Variants in MARCHF1 observed in about 807,000 individuals in gnomAD.
MARCHF1 encodes membrane associated ring-CH-type finger 1, also known as E3 ubiquitin-protein ligase MARCHF1.
A neutral mutation model predicts 54.2 loss-of-function variants in MARCHF1; 40 were observed. That is an observed-to-expected ratio of 0.74 (90% CI 0.57 to 0.96). The LOEUF (loss-of-function observed/expected upper bound fraction) is 0.96. MARCHF1 is among the 40% of genes least tolerant of loss of function. The pLI is 0.00. For synonymous variants in MARCHF1, 236 were observed against 236.3 expected (o/e 1.00, Z 0.01); for missense variants, 586 against 656.5 (o/e 0.89, Z 1.17).
intron 3 of MARCHF1, among the ~76,000 whole-genome samples, chr4:163,933,369 C>T (rs1212592563): frequency 6.6e-6 from 1 of 152,190 alleles, no homozygotes; most frequent in Non-Finnish European, 1.5e-5. Context: ...ACGGAATCAT[C>T]TGTTTACAGT....
At chr4:163,536,985 A>AC (rs1219665526) in intron 9 of MARCHF1, among the ~76,000 whole-genome samples, 1 of 152,094 alleles carries the variant, frequency 6.6e-6, no homozygotes, top group Admixed American at 6.6e-5. Flanking sequence ...TGTCCAAATG[A>AC]CCATCTTTAA....
chr4:164,325,049 G>A (rs1392557065), intron 1 of MARCHF1, among the ~76,000 whole-genome samples: 1 of 151,780 alleles, frequency 6.6e-6, no homozygotes, highest in Non-Finnish European at 1.5e-5. Flanking sequence ...TGCCTTATAA[G>A]ATATTACAAG....
At chr4:163,737,431 T>G (rs1746078990) in intron 4 of MARCHF1, among the ~76,000 whole-genome samples, 1 of 67,186 alleles carries the variant, frequency 1.5e-5, no homozygotes, top group African/African-American at 4.3e-5. Context: ...GTGATCTCAT[T>G]GTTCAATTCC....
In MARCHF1 at chr4:164,079,820, T is replaced by C. The variant is rs149028677; in HGVS notation, c.-248+31768A>G. ...ATTCTAAAAGACGTAGTTATTTGCA[T>C]TTTAAGTAGCATAGTTTTCTGTAAT... On this transcript the variant is annotated intron_variant, in intron 2 of 9. Coordinates refer to ENST00000514618, the MANE Select transcript of MARCHF1 (RefSeq NM_001394959.1). Among the ~76,000 whole-genome samples the C allele has an allele frequency of 5.5e-3, 844 of 152,296 alleles. 6 individuals carry two copies. Among genetic ancestry groups the C allele is most frequent in the African/African-American group, 0.019 (804 of 41,556 alleles).
At chr4:163,751,556 T>C (rs1233330816) in intron 4 of MARCHF1, among the ~76,000 whole-genome samples, 1 of 150,450 alleles carries the variant, frequency 6.6e-6, no homozygotes, top group African/African-American at 2.4e-5. Context: ...ATCAAAATAC[T>C]GTAATAAAAC....
Position 163,692,648 on chromosome 4 carries a change from G to A in MARCHF1, c.162+8165C>T, listed in dbSNP as rs1238262679. ...AATATAGAAAACCATTAGAGGTTTT[G>A]AACAGCAGCAAGACATTAGCTAACT... On this transcript the variant is annotated intron_variant, in intron 5 of 9. Coordinates refer to ENST00000514618, the MANE Select transcript of MARCHF1 (RefSeq NM_001394959.1). 5.7e-4 allele frequency among the ~76,000 whole-genome samples: 82 copies of A among 143,650 alleles called. 1 individual carries two copies. The allele number at this position is 143,650 out of a possible 152,430, so 94.2% of individuals were successfully genotyped here. A position where few individuals can be genotyped will look rare whatever the true frequency, so the allele number is the denominator to read the frequency against.
intron 3 of MARCHF1, among the ~76,000 whole-genome samples, chr4:163,966,647 T>C (rs762999826): frequency 2.0e-5 from 3 of 152,174 alleles, no homozygotes; most frequent in African/African-American, 7.2e-5. Flanking sequence ...GGCACTGTCC[T>C]AAACACTTTT....
intron 7 of MARCHF1, among the ~76,000 whole-genome samples, chr4:163,593,928 C>T (rs1056649794): frequency 6.6e-6 from 1 of 152,080 alleles, no homozygotes; most frequent in Non-Finnish European, 1.5e-5. Flanking sequence ...TGTATATATG[C>T]AAGGTTTTAT....
In MARCHF1 at chr4:163,631,665, C is replaced by G. The variant is rs974502176; in HGVS notation, c.163-18272G>C. Reference sequence around the variant, plus strand: ...CGTAAATATAAACAATACACAGATACAAACAATACAAGATAAAGTTTAATT... The same window carrying G: ...CGTAAATATAAACAATACACAGATAGAAACAATACAAGATAAAGTTTAATT... On this transcript the variant is annotated intron_variant, in intron 5 of 9. Coordinates refer to ENST00000514618, the MANE Select transcript of MARCHF1 (RefSeq NM_001394959.1). Among the ~76,000 whole-genome samples, 14 of 152,094 alleles carry G rather than the reference C, an allele frequency of 9.2e-5. 1 individual carries two copies. The highest frequency in any genetic ancestry group is 3.3e-4 in the Admixed American group (5 of 15,274).
chr4:164,370,492 A>G (rs1731006085), intron 1 of MARCHF1, among the ~76,000 whole-genome samples: 1 of 152,240 alleles, frequency 6.6e-6, no homozygotes, highest in Non-Finnish European at 1.5e-5. Context: ...AGTGTCTCAC[A>G]TTAGCCACAC....
intron 5 of MARCHF1, among the ~76,000 whole-genome samples, chr4:163,633,935 C>T (rs1742207299): frequency 1.3e-5 from 2 of 152,040 alleles, no homozygotes; most frequent in Non-Finnish European, 2.9e-5. Flanking sequence ...GAGTGGGGGC[C>T]AATATTCAAC....
intron 2 of MARCHF1, among the ~76,000 whole-genome samples, chr4:164,025,692 C>T (rs1753752964): frequency 6.7e-6 from 1 of 150,346 alleles, no homozygotes; most frequent in Non-Finnish European, 1.5e-5. Context: ...CCAGCCAACC[C>T]CAAAGCTATA....
At chr4:163,820,010 T>G (rs1465475560) in intron 4 of MARCHF1, among the ~76,000 whole-genome samples, 1 of 152,082 alleles carries the variant, frequency 6.6e-6, no homozygotes, top group East Asian at 1.9e-4. Flanking sequence ...AAATCAATAA[T>G]TTTTAAAAAA....
intron 3 of MARCHF1, among the ~76,000 whole-genome samples, chr4:163,920,026 A>G (rs895159486): frequency 7.9e-5 from 12 of 152,338 alleles, no homozygotes; most frequent in African/African-American, 2.9e-4. Flanking sequence ...TGAGAAAGAT[A>G]TGTAATATTT....
intron 3 of MARCHF1, among the ~76,000 whole-genome samples, chr4:163,963,408 C>T (rs1356278908): frequency 2.0e-5 from 3 of 151,698 alleles, no homozygotes; most frequent in East Asian, 1.9e-4. Context: ...CCGATGATAC[C>T]GAGTTAAGAT....
chr4:164,024,232 A>G (rs779829881), intron 2 of MARCHF1, among the ~76,000 whole-genome samples: 10 of 152,128 alleles, frequency 6.6e-5, no homozygotes, highest in Non-Finnish European at 1.0e-4. Flanking sequence ...CAAGAAATAT[A>G]AAGTACCCCT....
intron 1 of MARCHF1, among the ~76,000 whole-genome samples, chr4:164,317,543 G>T (rs978790141): frequency 4.6e-5 from 7 of 152,078 alleles, no homozygotes; most frequent in Admixed American, 3.9e-4. Flanking sequence ...CTTTTCAAAA[G>T]AGATTCCCTA....
chr4:164,313,110 G>A (rs980671574), intron 1 of MARCHF1, among the ~76,000 whole-genome samples: 1 of 151,538 alleles, frequency 6.6e-6, no homozygotes, highest in African/African-American at 2.4e-5. Flanking sequence ...AAGCCAAGGT[G>A]GGCACATTAC....
chr4:164,364,095 G>T (rs1359542094), intron 1 of MARCHF1, among the ~76,000 whole-genome samples: 5 of 152,048 alleles, frequency 3.3e-5, no homozygotes, highest in Admixed American at 3.3e-4. Context: ...ATTTATCAAA[G>T]AAGGGAAGGG....
Sources: gnomAD v4.1 joint callset for allele counts (sites outside exome capture counted in the v4.1 genomes callset) on GRCh38, gnomAD v4.1.1 for gene constraint, MANE v1.5 for transcripts, NCBI Gene and HGNC (gene_info 2026-07-23, HGNC 2026-07-21) for gene names.